The following PDE4D variants were observed in gnomAD, a reference collection of about 807,000 sequenced individuals.
The protein encoded by PDE4D is phosphodiesterase 4D.
In PDE4D, 24 loss-of-function variants were observed where a neutral mutation model predicts 87.4. The ratio of observed to expected loss-of-function variants is 0.27; its 90% CI spans 0.20 to 0.39. PDE4D has a LOEUF of 0.39. Among genes scored for constraint, PDE4D ranks in the 10% least tolerant of loss-of-function variants. The probability of loss-of-function intolerance (pLI) is 1.00; values close to 1 mark genes in which losing one functional copy is unlikely to be tolerated. For synonymous variants in PDE4D, 384 were observed against 383.2 expected (o/e 1.00, Z -0.02); for missense variants, 714 against 1,041.0 (o/e 0.69, Z 4.32).
chr5:59,718,313 G>T (rs2150544590), intron 1 of PDE4D, among the ~76,000 whole-genome samples: 1 of 152,222 alleles, frequency 6.6e-6, no homozygotes, highest in East Asian at 1.9e-4. Context: ...CCTTAATTAT[G>T]TCAGCTTGAA....
At chr5:60,035,944 A>T (rs375796995) in intron 2 of PDE4D, among the ~76,000 whole-genome samples, 22 of 152,356 alleles carry the variant, frequency 1.4e-4, no homozygotes, top group African/African-American at 5.3e-4. Flanking sequence ...TGATTTTAAA[A>T]GATACACAAC....
intron 1 of PDE4D, among the ~76,000 whole-genome samples, chr5:60,378,884 A>G (rs541761255): frequency 2.0e-5 from 3 of 151,312 alleles, no homozygotes; most frequent in East Asian, 3.9e-4. Flanking sequence ...AGAAAGAAAG[A>G]GAGAGAGAGA....
At chr5:60,143,804 A>T (rs1405407681) in intron 2 of PDE4D, among the ~76,000 whole-genome samples, 1 of 152,156 alleles carries the variant, frequency 6.6e-6, no homozygotes, top group African/African-American at 2.4e-5. Context: ...TATTTGCTAC[A>T]TTTATATAAA....
intron 1 of PDE4D, among the ~76,000 whole-genome samples, chr5:59,355,032 ATT>A (rs1221046873): frequency 6.6e-6 from 1 of 152,244 alleles, no homozygotes; most frequent in African/African-American, 2.4e-5. Flanking sequence ...CATGATGGAT[ATT>A]TGAGATGTCA....
At position 59,991,398 on chromosome 5, in the gene PDE4D, G is replaced by A. The variant is rs528362856; in HGVS notation, c.43-2681C>T. On this transcript the variant is annotated intron_variant, in intron 2 of 16. Coordinates refer to the PDE4D transcript ENST00000502484. Reference sequence around the variant, plus strand: ...TATGCACCACCTCTGATCCCAATGCGGAGGGTTTGAACAACACATTTTGAA... The same window carrying A: ...TATGCACCACCTCTGATCCCAATGCAGAGGGTTTGAACAACACATTTTGAA... Among the ~76,000 whole-genome samples, 8 of 152,210 alleles carry A rather than the reference G, an allele frequency of 5.3e-5. No homozygotes were observed. The South Asian group carries it at 8.3e-4, about 16-fold the overall frequency.
At chr5:59,187,191 T>C (rs1317425971) in intron 3 of PDE4D, among the ~76,000 whole-genome samples, 1 of 152,168 alleles carries the variant, frequency 6.6e-6, no homozygotes. Flanking sequence ...AAAGAAAAAT[T>C]AGTTCATCAA....
intron 1 of PDE4D, among the ~76,000 whole-genome samples, chr5:60,452,867 A>G (rs1746203068): frequency 6.6e-6 from 1 of 152,126 alleles, no homozygotes; most frequent in Non-Finnish European, 1.5e-5. Context: ...CACACCCCAG[A>G]AAAACGTAAA....
At chr5:58,996,084 A>G (rs1444602570) in intron 6 of PDE4D, among the ~76,000 whole-genome samples, 3 of 152,194 alleles carry the variant, frequency 2.0e-5, no homozygotes, top group Non-Finnish European at 4.4e-5. Flanking sequence ...TGGGAGTTGA[A>G]CAATGAGAAC....
intron 2 of PDE4D, among the ~76,000 whole-genome samples, chr5:60,141,386 T>C (rs1025262462): frequency 2.0e-5 from 3 of 152,142 alleles, no homozygotes; most frequent in African/African-American, 7.2e-5. Context: ...TGAGTATCTC[T>C]TGGAAAGAAG....
At chr5:59,465,144 C>T (rs56143170) in intron 1 of PDE4D, among the ~76,000 whole-genome samples, 5,316 of 152,294 alleles carry the variant, frequency 0.035, 325 homozygotes, top group African/African-American at 0.12. Context: ...TCTCAAGTTA[C>T]TGGCTTCCTG....
At chr5:59,687,302 GA>G (rs2150386559) in intron 1 of PDE4D, among the ~76,000 whole-genome samples, 1 of 152,208 alleles carries the variant, frequency 6.6e-6, no homozygotes, top group African/African-American at 2.4e-5. Flanking sequence ...TGAAATGAAG[GA>G]AAAAATGTTA....
chr5:59,231,867 A>G (rs529886411), intron 1 of PDE4D, among the ~76,000 whole-genome samples: 6 of 152,288 alleles, frequency 3.9e-5, no homozygotes, highest in Admixed American at 6.5e-5. Flanking sequence ...AGTGCTTAAG[A>G]GATGTTAGAG....
At chr5:59,586,698 G>C (rs1353293560) in intron 1 of PDE4D, 1 of 985,218 alleles carries the variant, frequency 1.0e-6, no homozygotes, top group African/African-American at 1.7e-5. Context: ...TATTGTCCTG[G>C]TAAAATCTAA....
chr5:59,707,056 C>A (rs776931986), intron 1 of PDE4D, among the ~76,000 whole-genome samples: 10 of 152,238 alleles, frequency 6.6e-5, no homozygotes, highest in East Asian at 3.9e-4. Flanking sequence ...AACCTCTCAA[C>A]CTTGTTAAAG....
intron 5 of PDE4D, among the ~76,000 whole-genome samples, chr5:59,079,427 A>G (rs1766280286): frequency 6.6e-6 from 1 of 152,178 alleles, no homozygotes; most frequent in Non-Finnish European, 1.5e-5. Flanking sequence ...TTCTACACAC[A>G]TATGCACACA....
rs183858093 is a variant in PDE4D, at chr5:59,726,395, T to C, written c.455+166773A>G. ...CCCTTTATGTAATAGTATTCGGAGA[T>C]GGGTCTTTTGGGAGGTGATGAGATC... is the stretch of plus-strand genomic sequence containing the variant. On this transcript the variant is annotated intron_variant, in intron 1 of 14. Transcript: ENST00000340635. Among the ~76,000 whole-genome samples the C allele has an allele frequency of 1.1e-3, 173 of 152,182 alleles. 4 individuals carry two copies. The East Asian group carries it at 0.03, about 26-fold the overall frequency.
chr5:59,436,632 T>C (rs944764541), intron 1 of PDE4D, among the ~76,000 whole-genome samples: 7 of 152,208 alleles, frequency 4.6e-5, no homozygotes, highest in African/African-American at 1.7e-4. Flanking sequence ...GCCCACTTAA[T>C]TTTATAACAA....
At chr5:59,316,154 A>G (rs1773679059) in intron 1 of PDE4D, among the ~76,000 whole-genome samples, 1 of 152,174 alleles carries the variant, frequency 6.6e-6, no homozygotes, top group Non-Finnish European at 1.5e-5. Context: ...TTTCACTTAA[A>G]TACTTGATCA....
At chr5:59,821,438 CA>C (rs1193444994) in intron 1 of PDE4D, among the ~76,000 whole-genome samples, 2 of 150,942 alleles carry the variant, frequency 1.3e-5, no homozygotes, top group African/African-American at 4.9e-5. Flanking sequence ...CATCCATTTA[CA>C]CACTTACATT....
Sources: gnomAD v4.1 joint callset for allele counts (sites outside exome capture counted in the v4.1 genomes callset) on GRCh38, gnomAD v4.1.1 for gene constraint, MANE v1.5 for transcripts, NCBI Gene and HGNC (gene_info 2026-07-23, HGNC 2026-07-21) for gene names.